The following IMMP2L variants were observed in gnomAD, a reference collection of about 807,000 sequenced individuals.
The protein encoded by IMMP2L is mitochondrial inner membrane protease subunit 2.
Under a neutral mutation model 19.3 loss-of-function variants are expected in IMMP2L, and 18 were observed. The observed-to-expected ratio is 0.93, with a 90% confidence interval of 0.64 to 1.38. IMMP2L has a LOEUF of 1.38. Among genes scored for constraint, IMMP2L ranks in the 40% most tolerant of loss-of-function variants. The probability of loss-of-function intolerance (pLI) is 0.00; values close to 1 mark genes in which losing one functional copy is unlikely to be tolerated. For missense variants in IMMP2L, 233 were observed against 218.2 expected (o/e 1.07, Z -0.43); for synonymous variants, 76 against 73.0 (o/e 1.04, Z -0.21).
intron 1 of IMMP2L, among the ~76,000 whole-genome samples, chr7:111,556,501 T>C (rs1424835752): frequency 6.6e-6 from 1 of 152,050 alleles, no homozygotes; most frequent in Non-Finnish European, 1.5e-5. Flanking sequence ...ATATCTACTC[T>C]CTATTCTCAT....
intron 4 of IMMP2L, among the ~76,000 whole-genome samples, chr7:110,918,439 CTTTTCTTT>C (rs1161611195): frequency 3.4e-5 from 5 of 145,558 alleles, no homozygotes; most frequent in East Asian, 4.0e-4. Context: ...ATAGGAATTT[CTTTTCTTT>C]TTTTCTTTTT....
intron 4 of IMMP2L, among the ~76,000 whole-genome samples, chr7:110,916,493 A>G (rs753587617): frequency 5.9e-5 from 9 of 152,212 alleles, no homozygotes; most frequent in African/African-American, 2.2e-4. Context: ...AAAATTTACA[A>G]CAGAGAGTAA....
At chr7:111,099,543 G>A (rs1000999300) in intron 3 of IMMP2L, among the ~76,000 whole-genome samples, 4 of 151,630 alleles carry the variant, frequency 2.6e-5, no homozygotes, top group Non-Finnish European at 5.9e-5. Flanking sequence ...GTCACCTCCT[G>A]AAAGGGCTAT....
At chr7:111,411,773 G>T (rs538926056) in intron 3 of IMMP2L, 1 of 199,270 alleles carries the variant, frequency 5.0e-6, no homozygotes, top group South Asian at 9.4e-5. Context: ...GCTGGTGAGC[G>T]TCAACGTGCA....
chr7:110,738,494 C>T (rs997887309), intron 5 of IMMP2L, among the ~76,000 whole-genome samples: 3 of 152,048 alleles, frequency 2.0e-5, no homozygotes, highest in African/African-American at 7.2e-5. Flanking sequence ...ACAAGACTTT[C>T]GAATTTACCC....
intron 3 of IMMP2L, among the ~76,000 whole-genome samples, chr7:111,416,578 T>C (rs1199232990): frequency 6.6e-6 from 1 of 151,840 alleles, no homozygotes; most frequent in Non-Finnish European, 1.5e-5. Context: ...AAGTACTTCA[T>C]GTAAAAAGTT....
intron 3 of IMMP2L, among the ~76,000 whole-genome samples, chr7:111,023,179 A>C (rs1000088730): frequency 1.3e-4 from 20 of 152,228 alleles, no homozygotes; most frequent in African/African-American, 4.8e-4. Context: ...CCTGAAGGCA[A>C]GTTCTGGTAC....
At chr7:110,866,132 T>G (rs1248377309) in intron 5 of IMMP2L, among the ~76,000 whole-genome samples, 1 of 152,070 alleles carries the variant, frequency 6.6e-6, no homozygotes, top group East Asian at 1.9e-4. Flanking sequence ...ATCTTATCCT[T>G]GAGTATCTAT....
chr7:110,752,476 C>T (rs1797782915), intron 5 of IMMP2L, among the ~76,000 whole-genome samples: 3 of 151,990 alleles, frequency 2.0e-5, no homozygotes, highest in Admixed American at 1.3e-4. Flanking sequence ...AATGATTTTA[C>T]TTGCTGTGTT....
chr7:111,080,229 C>T (rs1233305450), intron 3 of IMMP2L, among the ~76,000 whole-genome samples: 3 of 152,066 alleles, frequency 2.0e-5, no homozygotes, highest in Non-Finnish European at 2.9e-5. Flanking sequence ...CAGGCAGAAA[C>T]AGAATTATAA....
In IMMP2L at chr7:111,495,064, G is replaced by A. The variant is rs559272158; in HGVS notation, c.136-7723C>T. ...AAATTTAATATGCATAATTAGTTAT[G>A]AATACCTATAAAATACCTAAAGAAT... On this transcript the variant is annotated intron_variant, in intron 2 of 5. Coordinates refer to ENST00000405709, the MANE Select transcript of IMMP2L (RefSeq NM_032549.4). 5.3e-5 allele frequency among the ~76,000 whole-genome samples: 8 copies of A among 151,940 alleles called. No homozygotes were observed. The South Asian group carries it at 1.7e-3, about 32-fold the overall frequency.
At chr7:110,977,710 TCTC>T (rs1324516184) in intron 3 of IMMP2L, among the ~76,000 whole-genome samples, 1 of 151,728 alleles carries the variant, frequency 6.6e-6, no homozygotes, top group African/African-American at 2.4e-5. Context: ...TCTCTCTCTC[TCTC>T]TTTTCCTCTT....
At chr7:111,382,914 T>C (rs565340169) in intron 3 of IMMP2L, among the ~76,000 whole-genome samples, 24 of 152,218 alleles carry the variant, frequency 1.6e-4, no homozygotes, top group African/African-American at 4.3e-4. Context: ...TGTGGTTCCA[T>C]ACTTCCAAGG....
In IMMP2L at chr7:111,123,871, A is replaced by G. The variant is rs368864566; in HGVS notation, c.240-160306T>C. On this transcript the variant is annotated intron_variant, in intron 3 of 5. Coordinates refer to ENST00000405709, the MANE Select transcript of IMMP2L (RefSeq NM_032549.4). The surrounding 1 kb of genome is among the most constrained non-coding windows in gnomAD (Gnocchi z 6.4). ...AAACCTCAAGGAAATCAGCATACAC[A>G]GTAACCCCATCAGGTGTGACTGTGT... The G allele has an allele frequency of 6.2e-6, 10 of 1,614,044 alleles. No homozygotes were observed. The African/African-American group carries it at 1.3e-4, about 22-fold the overall frequency.
intron 5 of IMMP2L, among the ~76,000 whole-genome samples, chr7:110,729,347 T>C (rs1278302925): frequency 6.6e-6 from 1 of 152,194 alleles, no homozygotes; most frequent in African/African-American, 2.4e-5. Context: ...TCTTAGATGG[T>C]GGCAGGAGAC....
At chr7:110,984,633 T>A (rs1821664061) in intron 3 of IMMP2L, among the ~76,000 whole-genome samples, 1 of 152,126 alleles carries the variant, frequency 6.6e-6, no homozygotes, top group Non-Finnish European at 1.5e-5. Flanking sequence ...GTGGTAATAG[T>A]CAATGTTTAG....
intron 3 of IMMP2L, among the ~76,000 whole-genome samples, chr7:111,098,604 A>T (rs1006263305): frequency 6.6e-5 from 10 of 151,700 alleles, no homozygotes; most frequent in African/African-American, 2.4e-4. Context: ...GGCAGATCTC[A>T]TTTACAACAT....
rs538526183 is a variant in IMMP2L, at chr7:110,897,645, A to G, written c.306-10950T>C. Among the ~76,000 whole-genome samples, 148 of 152,298 alleles carry G rather than the reference A, an allele frequency of 9.7e-4. 1 individual carries two copies. Among genetic ancestry groups the G allele is most frequent in the African/African-American group, 3.4e-3 (141 of 41,572 alleles). ...GGACACAGGTACAATAATGTTTTTC[A>G]TAACACTGTTCAGAGTGGCAAAAAA... is the stretch of plus-strand genomic sequence containing the variant. On this transcript the variant is annotated intron_variant, in intron 4 of 5. Coordinates refer to ENST00000405709, the MANE Select transcript of IMMP2L (RefSeq NM_032549.4).
At position 110,977,939 on chromosome 7, in the gene IMMP2L, G is replaced by A. The variant is rs138065431; in HGVS notation, c.240-14374C>T. 1.9e-3 allele frequency among the ~76,000 whole-genome samples: 290 copies of A among 152,112 alleles called. 2 individuals carry two copies. The highest frequency in any genetic ancestry group is 6.7e-3 in the African/African-American group (278 of 41,538). ...TGCTCCAGTAAAATGCCGAAGTTCC[G>A]TAAACCAATTTTGTGTGGAAAGTAA... On this transcript the variant is annotated intron_variant, in intron 3 of 5. Transcript: ENST00000405709.
Sources: gnomAD v4.1 joint callset for allele counts (sites outside exome capture counted in the v4.1 genomes callset) on GRCh38, gnomAD v4.1.1 for gene constraint, Gnocchi (gnomAD v3.1) non-coding constraint, MANE v1.5 for transcripts, NCBI Gene and HGNC (gene_info 2026-07-23, HGNC 2026-07-21) for gene names.